MINDY1: variants seen among roughly 807,000 people sequenced by gnomAD.
MINDY1 encodes MINDY lysine 48 deubiquitinase 1, also known as ubiquitin carboxyl-terminal hydrolase MINDY-1.
Under a neutral mutation model 53.6 loss-of-function variants are expected in MINDY1, and 50 were observed. The ratio of observed to expected loss-of-function variants is 0.93; its 90% CI spans 0.74 to 1.18. The LOEUF (loss-of-function observed/expected upper bound fraction) is 1.18. Ranked by LOEUF, MINDY1 falls within the 50% of genes most tolerant of loss-of-function variation. The pLI, the probability that MINDY1 is intolerant of heterozygous loss-of-function variation, is 0.00. For synonymous variants in MINDY1, 231 were observed against 234.7 expected (o/e 0.98, Z 0.14); for missense variants, 484 against 578.6 (o/e 0.84, Z 1.68).
Position 150,999,350 on chromosome 1 carries a change from AC to A in MINDY1, c.981+18del, listed in dbSNP as rs756429078. Reference sequence around the variant, plus strand: ...GGAAATGACAGCACCGCAGCACGCCACCCCCAAACTCGCATTACCTTATGCT... The same window carrying A: ...GGAAATGACAGCACCGCAGCACGCCACCCCAAACTCGCATTACCTTATGCT... On this transcript the variant is annotated intron_variant, in intron 7 of 9. Coordinates refer to ENST00000683666, the MANE Select transcript of MINDY1 (RefSeq NM_001376665.1). This position sits in a 1 kb window ranked among gnomAD's most constrained non-coding sequence, Gnocchi z 4.4. 1.9e-6 allele frequency: 3 copies of A among 1,613,318 alleles called. No individual in the cohort carries two copies. Among genetic ancestry groups the A allele is most frequent in the Non-Finnish European group, 2.5e-6 (3 of 1,179,464 alleles).
chr1:150,999,791 C>A lies in MINDY1; in HGVS notation c.838+71G>T. 7.4e-7 allele frequency: 1 copy of A among 1,351,470 alleles called. No homozygotes were observed. 83.7% of individuals were successfully genotyped at this position (1,351,470 alleles called of 1,614,324 possible). A position where few individuals can be genotyped will look rare whatever the true frequency, so the allele number is the denominator to read the frequency against. On this transcript the variant is annotated intron_variant, in intron 6 of 9. Coordinates refer to ENST00000683666, the MANE Select transcript of MINDY1 (RefSeq NM_001376665.1). The surrounding 1 kb of genome is among the most constrained non-coding windows in gnomAD (Gnocchi z 4.4). ...AGTGGGATGTGGTAGGAGATGACAC[C>A]CAATAAAAAATAAGCCTAAGTAGCT... is the stretch of plus-strand genomic sequence containing the variant.
Position 151,002,584 on chromosome 1 carries a change from C to T in MINDY1, c.34G>A (p.Gly12Ser). ...ACTGCTTCTGCAGTCCCGGCCTTAC[C>T]AGGGGCTGGATCCTCAGGCTGATGG... ...EYHQPEDPAP[G>S]KAGTAEAVIP... Residue 12 changes from glycine (G) to serine (S), a missense_variant, in exon 2 of 10, where the codon GGT (glycine) becomes AGT (serine). Transcript: ENST00000683666. The surrounding 1 kb of genome is among the most constrained non-coding windows in gnomAD (Gnocchi z 4.1). The T allele has an allele frequency of 3.7e-6, 6 of 1,614,196 alleles. No homozygotes were observed. Among genetic ancestry groups the T allele is most frequent in the Non-Finnish European group, 5.1e-6 (6 of 1,180,034 alleles).
intron 8 of MINDY1, 74 bp from the exon 9 acceptor site, chr1:150,997,853 T>G: frequency 6.8e-7 from 1 of 1,467,040 alleles, no homozygotes; most frequent in Non-Finnish European, 9.2e-7. Context: ...TCCAAATCAG[T>G]TTTCCCACAT....
chr1:150,997,209 G>T lies in MINDY1; in HGVS notation c.*78C>A, dbSNP rs2102816263. 10 of 1,409,602 alleles carry T rather than the reference G, an allele frequency of 7.1e-6. No homozygotes were observed. The highest frequency in any genetic ancestry group is 2.5e-5 in the South Asian group (2 of 80,992). The allele number at this position is 1,409,602 out of a possible 1,614,324, so 87.3% of individuals were successfully genotyped here. On this transcript the variant is annotated 3_prime_UTR_variant, in exon 10 of 10. Coordinates refer to ENST00000683666, the MANE Select transcript of MINDY1 (RefSeq NM_001376665.1). The stretch of plus-strand genomic sequence containing the variant: ...TAAATAAGTTATCCAGCACATCTCA[G>T]GGGTGGAGGCGGGGGAGCAAGCCAA...
Position 151,002,809 on chromosome 1 carries a change from A to G in MINDY1, c.-89-103T>C. Reference sequence around the variant, plus strand: ...AAGGCTGGCTAGTGTTTGTGCAGTAACTCCTGGCTATGGGCAGTATATGTG... The same window carrying G: ...AAGGCTGGCTAGTGTTTGTGCAGTAGCTCCTGGCTATGGGCAGTATATGTG... On this transcript the variant is annotated intron_variant, in intron 1 of 9. Transcript: ENST00000683666. This position sits in a 1 kb window ranked among gnomAD's most constrained non-coding sequence, Gnocchi z 4.1. 1.8e-5 allele frequency: 27 copies of G among 1,459,836 alleles called. No homozygotes were observed. Among genetic ancestry groups the G allele is most frequent in the Non-Finnish European group, 2.4e-5 (27 of 1,106,974 alleles). 90.4% of individuals were successfully genotyped at this position (1,459,836 alleles called of 1,614,324 possible).
chr1:150,997,083 T>C lies in MINDY1; in HGVS notation c.*204A>G. 1 of 609,368 alleles carries C rather than the reference T, an allele frequency of 1.6e-6. No homozygotes were observed. The highest frequency in any genetic ancestry group is 2.9e-6 in the Non-Finnish European group (1 of 340,292). The allele number at this position is 609,368 out of a possible 1,614,324, so 37.7% of individuals were successfully genotyped here. A position where few individuals can be genotyped will look rare whatever the true frequency, so the allele number is the denominator to read the frequency against. On this transcript the variant is annotated 3_prime_UTR_variant, in exon 10 of 10. Transcript: ENST00000683666. ...ACCAGAAACCCACCAATCCTAGTGT[T>C]GCCCTGGATGGGAGGCAGAGAAGGC...
intron 8 of MINDY1, 57 bp downstream of exon 8, chr1:150,998,025 T>G (rs1672043572): frequency 6.5e-7 from 1 of 1,529,666 alleles, no homozygotes; most frequent in South Asian, 1.2e-5. Context: ...ATGTATGCAG[T>G]AAAAAGCTCT....
At chr1:151,003,937 T>C (rs866468297) in intron 1 of MINDY1, among the ~76,000 whole-genome samples, 1 of 152,218 alleles carries the variant, frequency 6.6e-6, no homozygotes. Flanking sequence ...TTTTTATTTT[T>C]TTGAGACAGA....
At position 150,999,338 on chromosome 1, in the gene MINDY1, C is replaced by T; in HGVS notation, c.981+31G>A. The T allele has an allele frequency of 1.2e-6, 2 of 1,612,912 alleles. No homozygotes were observed. Among genetic ancestry groups the T allele is most frequent in the Non-Finnish European group, 1.7e-6 (2 of 1,179,126 alleles). ...AAAAAGGCACCAGGAAATGACAGCA[C>T]CGCAGCACGCCACCCCCAAACTCGC... On this transcript the variant is annotated intron_variant, in intron 7 of 9. Transcript: ENST00000683666. This position sits in a 1 kb window ranked among gnomAD's most constrained non-coding sequence, Gnocchi z 4.4.
chr1:150,997,367 C>A lies in MINDY1; in HGVS notation c.1330G>T (p.Gly444Trp). ...RMRTRVLSLQGRGATSGRPAG... is the reference protein window; with the variant it reads ...RMRTRVLSLQWRGATSGRPAG... The stretch of plus-strand genomic sequence containing the variant: ...GGGCGTCCAGATGTGGCTCCTCTCC[C>A]CTGTATCGGATTTAACAATTGGTCA... The change falls in exon 10 of 10, where the codon GGG (glycine) becomes TGG (tryptophan). Residue 444 changes from glycine to tryptophan, a missense_variant and splice_region_variant. Gly to Trp is a radical substitution (Grantham distance 184, BLOSUM62 -2). Transcript: ENST00000683666. The A allele has an allele frequency of 6.3e-7, 1 of 1,597,922 alleles. No individual in the cohort carries two copies. The highest frequency in any genetic ancestry group is 2.3e-5 in the East Asian group (1 of 44,018).
At position 150,999,245 on chromosome 1, in the gene MINDY1, A is replaced by G; in HGVS notation, c.981+124T>C. On this transcript the variant is annotated intron_variant, in intron 7 of 9. Transcript: ENST00000683666. The surrounding 1 kb of genome is among the most constrained non-coding windows in gnomAD (Gnocchi z 4.4). ...GGGAAATGAACCTTTGTTGTGGTAA[A>G]CCACAGGGATTTGAGGGGTCACTTG... 4 of 1,382,458 alleles carry G rather than the reference A, an allele frequency of 2.9e-6. 1 individual carries two copies. In the South Asian group the frequency reaches 5.2e-5, roughly 18 times the overall value. 85.6% of individuals were successfully genotyped at this position (1,382,458 alleles called of 1,614,324 possible).
chr1:151,001,348 C>A, intron 3 of MINDY1, 34 bp from the exon 4 acceptor site: 1 of 1,608,634 alleles, frequency 6.2e-7, no homozygotes, highest in Non-Finnish European at 8.5e-7. Context: ...GCTTACCCCA[C>A]CAATCATCCC....
In MINDY1 at chr1:151,006,656, T is replaced by C; in HGVS notation, c.-434A>G. ...CTACAAGCTGGTTTTCAAAGGAAGT[T>C]TGTGGTTTTTCTTTTCTTCTCTCTC... On this transcript the variant is annotated 5_prime_UTR_variant, in exon 1 of 10. Transcript: ENST00000683666. 1.0e-6 allele frequency: 1 copy of C among 986,230 alleles called. No individual in the cohort carries two copies. The highest frequency in any genetic ancestry group is 1.2e-6 in the Non-Finnish European group (1 of 830,524). 61.1% of individuals were successfully genotyped at this position (986,230 alleles called of 1,614,324 possible). A position where few individuals can be genotyped will look rare whatever the true frequency, so the allele number is the denominator to read the frequency against.
intron 1 of MINDY1, among the ~76,000 whole-genome samples, chr1:151,005,405 T>C (rs1673074694): frequency 6.6e-6 from 1 of 150,768 alleles, no homozygotes; most frequent in African/African-American, 2.4e-5. Context: ...TAAGCCAAGA[T>C]TGTGCCTCTG....
Position 151,002,097 on chromosome 1 carries a change from T to C in MINDY1, c.453+68A>G. On this transcript the variant is annotated intron_variant, in intron 2 of 9. Transcript: ENST00000683666. The surrounding 1 kb of genome is among the most constrained non-coding windows in gnomAD (Gnocchi z 4.1). ...GACTAGTTTGAGGACATCAGGATGA[T>C]CAAGGAAGTAAGTCAGGGAAGAGTA... 1 of 1,454,188 alleles carries C rather than the reference T, an allele frequency of 6.9e-7. No individual in the cohort carries two copies. The highest frequency in any genetic ancestry group is 9.3e-7 in the Non-Finnish European group (1 of 1,073,816). 90.1% of individuals were successfully genotyped at this position (1,454,188 alleles called of 1,614,324 possible).
rs749897207 is a variant in MINDY1, at chr1:151,002,298, C to A, written c.320G>T (p.Arg107Leu). Residue 107 changes from arginine (R) to leucine (L), a missense_variant, in exon 2 of 10, where the codon CGA becomes CTA. Arg to Leu is a moderately radical substitution (Grantham distance 102). Transcript: ENST00000683666. The surrounding 1 kb of genome is among the most constrained non-coding windows in gnomAD (Gnocchi z 4.1). ...PQELPQSPRT[R>L]QPEPDFYCVK... ...ACAGTAGAAATCTGGCTCAGGCTGT[C>A]GGGTCCTGGGGGACTGAGGAAGCTC... 3.1e-6 allele frequency: 5 copies of A among 1,614,184 alleles called. No homozygotes were observed. The highest frequency in any genetic ancestry group is 4.2e-6 in the Non-Finnish European group (5 of 1,180,050).
intron 1 of MINDY1, chr1:151,006,015 G>A (rs1673157591): frequency 1.3e-6 from 2 of 1,499,954 alleles, no homozygotes; most frequent in African/African-American, 2.8e-5. Context: ...TTCTTAGTCT[G>A]ACCTATGTCT....
chr1:151,004,731 AAAAAT>A (rs139261422), intron 1 of MINDY1, among the ~76,000 whole-genome samples: 8,941 of 136,398 alleles, frequency 0.066, 397 homozygotes, highest in Middle Eastern at 0.13. Context: ...ACTCCATCTC[AAAAAT>A]AAAATAAAAT....
chr1:150,997,539 G>C (rs374833584), intron 9 of MINDY1, 85 bp downstream of exon 9: 1 of 1,596,906 alleles, frequency 6.3e-7, no homozygotes, highest in Non-Finnish European at 8.5e-7. Flanking sequence ...ACCTTGAAGA[G>C]ACCAGTGCAG....
Sources: gnomAD v4.1 joint callset for allele counts (sites outside exome capture counted in the v4.1 genomes callset) on GRCh38, gnomAD v4.1.1 for gene constraint, Gnocchi (gnomAD v3.1) non-coding constraint, MANE v1.5 for transcripts, NCBI Gene and HGNC (gene_info 2026-07-23, HGNC 2026-07-21) for gene names.